The following PCSK5 variants were observed in gnomAD, a reference collection of about 807,000 sequenced individuals.
PCSK5 encodes the protein proprotein convertase subtilisin/kexin type 5, also known as prohormone convertase 5.
Under a neutral mutation model 233.2 loss-of-function variants are expected in PCSK5, and 129 were observed. The observed-to-expected ratio is 0.55, with a 90% confidence interval of 0.48 to 0.64. The LOEUF is 0.64. Ranked by LOEUF, PCSK5 falls within the 30% of genes least tolerant of loss-of-function variation. The pLI is 0.00. For missense variants in PCSK5, 2,076 were observed against 2,430.1 expected (o/e 0.85, Z 3.06); for synonymous variants, 825 against 879.2 (o/e 0.94, Z 1.09).
At chr9:76,011,898 A>G (rs987336506) in intron 3 of PCSK5, among the ~76,000 whole-genome samples, 1 of 152,206 alleles carries the variant, frequency 6.6e-6, no homozygotes, top group African/African-American at 2.4e-5. Flanking sequence ...TATAAATTTA[A>G]TAACACATTT....
chr9:76,008,021 A>G (rs1308143781), intron 3 of PCSK5, among the ~76,000 whole-genome samples: 1 of 151,686 alleles, frequency 6.6e-6, no homozygotes, highest in Admixed American at 6.6e-5. Context: ...TATAATTTCC[A>G]TCTCTGCTCC....
At chr9:76,064,129 G>A (rs1241532645) in intron 5 of PCSK5, among the ~76,000 whole-genome samples, 3 of 122,648 alleles carry the variant, frequency 2.4e-5, no homozygotes, top group African/African-American at 7.2e-5. Flanking sequence ...CTGGCTGGGC[G>A]GAGGGCTGAC....
At chr9:76,023,585 A>G (rs1238645150) in intron 3 of PCSK5, among the ~76,000 whole-genome samples, 153 bp from the exon 4 acceptor site, 1 of 152,066 alleles carries the variant, frequency 6.6e-6, no homozygotes, top group East Asian at 1.9e-4. Context: ...GGATCCCATA[A>G]GCCCAGGAGT....
chr9:76,119,061 T>C (rs1587651132), intron 9 of PCSK5, among the ~76,000 whole-genome samples: 1 of 152,054 alleles, frequency 6.6e-6, no homozygotes, highest in African/African-American at 2.4e-5. Context: ...TTTCAAGTTT[T>C]TGTGGGTGCT....
chr9:76,351,630 GAGAGAGAAAGA>G (rs1830166703), intron 36 of PCSK5, among the ~76,000 whole-genome samples: 1 of 143,012 alleles, frequency 7.0e-6, no homozygotes, highest in Non-Finnish European at 1.5e-5. Flanking sequence ...GAGAAAGAAA[GAGAGAGAAAGA>G]AGAAAGAAAG....
intron 1 of PCSK5, among the ~76,000 whole-genome samples, chr9:75,926,604 A>C (rs1004085604): frequency 6.6e-6 from 1 of 151,944 alleles, no homozygotes; most frequent in African/African-American, 2.4e-5. Flanking sequence ...GCCTGTTCCC[A>C]CTCCACACCC....
At chr9:76,207,276 C>A (rs7033364) in intron 20 of PCSK5, among the ~76,000 whole-genome samples, 61,909 of 152,022 alleles carry the variant, frequency 0.41, 14,023 homozygotes, top group East Asian at 0.68. Context: ...ACTTGGATAT[C>A]TTTGGAGGCC....
chr9:76,014,847 C>T (rs1182051160), intron 3 of PCSK5, among the ~76,000 whole-genome samples: 23 of 152,132 alleles, frequency 1.5e-4, no homozygotes. Context: ...CATCATGAGT[C>T]AATGTGCAGA....
chr9:76,203,775 A>G (rs1032326899), intron 20 of PCSK5, among the ~76,000 whole-genome samples: 8 of 152,188 alleles, frequency 5.3e-5, no homozygotes, highest in Admixed American at 5.2e-4. Flanking sequence ...ATGAGAACAC[A>G]CCTGCTCAAT....
chr9:76,154,525 C>T (rs1185241003), intron 10 of PCSK5, among the ~76,000 whole-genome samples: 1 of 152,148 alleles, frequency 6.6e-6, no homozygotes, highest in African/African-American at 2.4e-5. Flanking sequence ...GCAGTGACAG[C>T]TCAAAGCCCT....
intron 21 of PCSK5, among the ~76,000 whole-genome samples, chr9:76,228,605 T>C (rs60800515): frequency 0.28 from 42,016 of 152,198 alleles, 6,977 homozygotes; most frequent in East Asian, 0.7. Flanking sequence ...GAATTTCTAA[T>C]AAAGAAAGCT....
chr9:76,103,543 T>G (rs917104192), intron 8 of PCSK5, among the ~76,000 whole-genome samples: 10 of 152,100 alleles, frequency 6.6e-5, no homozygotes, highest in African/African-American at 2.4e-4. Context: ...TAATGAAATG[T>G]GAAATACTAG....
intron 20 of PCSK5, among the ~76,000 whole-genome samples, chr9:76,226,992 C>T (rs917684794): frequency 6.6e-6 from 1 of 152,180 alleles, no homozygotes; most frequent in Non-Finnish European, 1.5e-5. Flanking sequence ...TGAGATGTAG[C>T]TTACAATCAC....
chr9:76,308,272 C>T (rs917448299), intron 28 of PCSK5, among the ~76,000 whole-genome samples: 2 of 152,238 alleles, frequency 1.3e-5, no homozygotes, highest in African/African-American at 2.4e-5. Context: ...GACTCATAAA[C>T]TCATTCACAA....
At chr9:76,015,612 T>A (rs919684946) in intron 3 of PCSK5, among the ~76,000 whole-genome samples, 9 of 152,292 alleles carry the variant, frequency 5.9e-5, no homozygotes, top group African/African-American at 1.9e-4. Context: ...AGAAAAACAC[T>A]GGGTTTTCAT....
intron 30 of PCSK5, among the ~76,000 whole-genome samples, chr9:76,317,110 C>T (rs1199773594): frequency 1.3e-5 from 2 of 152,246 alleles, no homozygotes; most frequent in South Asian, 4.1e-4. Context: ...GTGGCTCACA[C>T]ATGTAACTGG....
At chr9:76,185,205 C>G (rs1245468329) in intron 17 of PCSK5, among the ~76,000 whole-genome samples, 2 of 152,180 alleles carry the variant, frequency 1.3e-5, no homozygotes, top group African/African-American at 2.4e-5. Flanking sequence ...GTATCTCAGG[C>G]TTGGTTCCAT....
At chr9:76,024,573 A>G (rs1334304291) in intron 4 of PCSK5, among the ~76,000 whole-genome samples, 1 of 152,204 alleles carries the variant, frequency 6.6e-6, no homozygotes, top group African/African-American at 2.4e-5. Flanking sequence ...CCCAGCAGAG[A>G]TGTCTTTCTT....
intron 36 of PCSK5, among the ~76,000 whole-genome samples, chr9:76,353,667 G>A (rs560304769): frequency 6.6e-6 from 1 of 152,360 alleles, no homozygotes; most frequent in East Asian, 1.9e-4. Flanking sequence ...CTTTTGAGAT[G>A]CGGGAAATGA....
Sources: gnomAD v4.1 joint callset for allele counts (sites outside exome capture counted in the v4.1 genomes callset) on GRCh38, gnomAD v4.1.1 for gene constraint, MANE v1.5 for transcripts, NCBI Gene and HGNC (gene_info 2026-07-23, HGNC 2026-07-21) for gene names.